The following AFDN variants were observed in gnomAD, a reference collection of about 807,000 sequenced individuals.
AFDN encodes the protein afadin.
In AFDN, 68 loss-of-function variants were observed where a neutral mutation model predicts 216.6. That is an observed-to-expected ratio of 0.31 (90% confidence interval 0.26 to 0.38). AFDN has a LOEUF of 0.38. Ranked by LOEUF, AFDN falls within the 10% of genes least tolerant of loss-of-function variation. AFDN has a pLI of 1.00. For synonymous variants in AFDN, 868 were observed against 853.7 expected, an observed-to-expected ratio of 1.02 and a Z score of -0.29; for missense variants, 2,136 against 2,342.0, an observed-to-expected ratio of 0.91 and a Z score of 1.82.
intron 2 of AFDN, among the ~76,000 whole-genome samples, chr6:167,868,647 TATC>T (rs1359101347): frequency 6.6e-6 from 1 of 152,194 alleles, no homozygotes; most frequent in East Asian, 1.9e-4. Flanking sequence ...GAGTCTATGT[TATC>T]ATCATCCTTA....
At chr6:167,934,494 G>A (rs1156552636) in intron 23 of AFDN, among the ~76,000 whole-genome samples, 2 of 152,178 alleles carry the variant, frequency 1.3e-5, no homozygotes, top group Non-Finnish European at 2.9e-5. Flanking sequence ...TAGAAGTAAA[G>A]CAGTTGAAAA....
intron 20 of AFDN, among the ~76,000 whole-genome samples, chr6:167,918,086 C>G (rs1279642501): frequency 6.6e-6 from 1 of 152,136 alleles, no homozygotes; most frequent in African/African-American, 2.4e-5. Flanking sequence ...GGTGGCTACT[C>G]AGGTGGCGAT....
At chr6:167,872,400 C>T in intron 4 of AFDN, 23 bp downstream of exon 4, 1 of 1,588,352 alleles carries the variant, frequency 6.3e-7, no homozygotes, top group Non-Finnish European at 8.5e-7. Context: ...TGGAAATGTT[C>T]CCCTTTCTTT....
chr6:167,952,198 G>C lies in AFDN; in HGVS notation c.4833+11G>C, dbSNP rs1048280027. The C allele has an allele frequency of 6.2e-7, 1 of 1,613,878 alleles. No individual in the cohort carries two copies. The highest frequency in any genetic ancestry group is 1.3e-5 in the African/African-American group (1 of 74,930). On this transcript the variant is annotated intron_variant, in intron 30 of 33. Transcript: ENST00000683244. ...GAACGAAGAGCGAGGGTAAAGGGGG[G>C]AGTGCTTTGGCTGTGCCCATCTGTG...
intron 1 of AFDN, among the ~76,000 whole-genome samples, chr6:167,852,643 G>A (rs1277615881): frequency 6.6e-6 from 1 of 151,998 alleles, no homozygotes; most frequent in African/African-American, 2.4e-5. Context: ...ACATTTATTG[G>A]CTGGAATTCT....
In AFDN at chr6:167,971,897, TTGTA is replaced by T. The variant is rs530856436; in HGVS notation, c.*1968_*1971del. 1.5e-3 allele frequency: 302 copies of T among 201,888 alleles called. 1 individual carries two copies. The highest frequency in any genetic ancestry group is 6.3e-3 in the African/African-American group (275 of 43,582). The allele number at this position is 201,888 out of a possible 1,614,324, so 12.5% of individuals were successfully genotyped here. A position where few individuals can be genotyped will look rare whatever the true frequency, so the allele number is the denominator to read the frequency against. ...AGTTGCAACCTATTTTTAATAAACTTTGTATGTATTTAAGTGTATTTGCTATTGT... is the reference window on the plus strand; with the variant it reads ...AGTTGCAACCTATTTTTAATAAACTTTGTATTTAAGTGTATTTGCTATTGT... On this transcript the variant is annotated 3_prime_UTR_variant, in exon 34 of 34. Transcript: ENST00000683244.
chr6:167,947,991 T>C (rs753808743), intron 28 of AFDN, 47 bp downstream of exon 28: 7 of 1,405,328 alleles, frequency 5.0e-6, no homozygotes, highest in Admixed American at 1.7e-5. Context: ...TTTCCATCCT[T>C]AGGGTTCCCT....
At chr6:167,864,909 T>G (rs1784004580) in intron 2 of AFDN, 163 bp downstream of exon 2, 1 of 790,926 alleles carries the variant, frequency 1.3e-6, no homozygotes, top group African/African-American at 1.7e-5. Context: ...CTGTTTTATG[T>G]CTGGGAAGTG....
At chr6:167,947,398 C>G (rs563223883) in intron 27 of AFDN, among the ~76,000 whole-genome samples, 15 of 152,152 alleles carry the variant, frequency 9.9e-5, no homozygotes, top group African/African-American at 2.4e-4. Flanking sequence ...CCAGGATGGT[C>G]TCGATCTCCT....
chr6:167,898,567 TAA>T (rs1788563115), intron 11 of AFDN, 100 bp downstream of exon 11: 6 of 1,286,022 alleles, frequency 4.7e-6, no homozygotes, highest in Non-Finnish European at 6.2e-6. Flanking sequence ...TTTCAATTTT[TAA>T]AAAAATATCA....
At chr6:167,900,343 T>C (rs1056965656) in intron 11 of AFDN, among the ~76,000 whole-genome samples, 1 of 152,202 alleles carries the variant, frequency 6.6e-6, no homozygotes, top group Admixed American at 6.5e-5. Context: ...TTGATATTGA[T>C]AGTTTGGGAA....
At chr6:167,897,846 A>C (rs898338591) in intron 10 of AFDN, among the ~76,000 whole-genome samples, 1 of 151,834 alleles carries the variant, frequency 6.6e-6, no homozygotes, top group Non-Finnish European at 1.5e-5. Flanking sequence ...GAGTTTCACC[A>C]TGTTGGCCAG....
chr6:167,914,527 A>ATT, intron 17 of AFDN, 117 bp from the exon 18 acceptor site: 8 of 791,942 alleles, frequency 1.0e-5, no homozygotes, highest in Non-Finnish European at 1.5e-5. Context: ...AAGATTCCAC[A>ATT]TTTTTTTTTT....
intron 2 of AFDN, among the ~76,000 whole-genome samples, chr6:167,869,558 G>A (rs963522): frequency 0.31 from 47,145 of 151,930 alleles, 8,181 homozygotes; most frequent in East Asian, 0.6. Context: ...GGCTTGCAGC[G>A]TCAAATCTGT....
rs1166050258 is a variant in AFDN at position 167,951,633 on chromosome 6, GAGA to G, written c.4282_4284del (p.Lys1428del). 12 of 1,614,154 alleles carry G rather than the reference GAGA, an allele frequency of 7.4e-6. No homozygotes were observed. Among genetic ancestry groups the G allele is most frequent in the Non-Finnish European group, 9.3e-6 (11 of 1,180,014 alleles). On this transcript the variant is annotated inframe_deletion, in exon 30 of 34. Transcript: ENST00000683244. This position sits in a 1 kb window ranked among gnomAD's most constrained non-coding sequence, Gnocchi z 7.1. ...GAGAGAAGAACATCAGCGTTGGTATGAGAAGGAGAAGGCCCGCCTGGAGGAGGA... is the reference window on the plus strand; with the variant it reads ...GAGAGAAGAACATCAGCGTTGGTATGAGGAGAAGGCCCGCCTGGAGGAGGA...
At chr6:167,946,054 G>A (rs1216650001) in intron 26 of AFDN, among the ~76,000 whole-genome samples, 1 of 152,206 alleles carries the variant, frequency 6.6e-6, no homozygotes, top group Admixed American at 6.5e-5. Context: ...GCTTCTTGAA[G>A]CAAACACACA....
In AFDN at chr6:167,925,082, T is replaced by G; in HGVS notation, c.3090T>G (p.Val1030=). The G allele has an allele frequency of 6.2e-7, 1 of 1,612,344 alleles. No homozygotes were observed. The highest frequency in any genetic ancestry group is 8.5e-7 in the Non-Finnish European group (1 of 1,178,338). Residue 1030 remains valine, a synonymous_variant, in exon 23 of 34, where the codon GTT becomes GTG. Transcript: ENST00000683244. The stretch of plus-strand genomic sequence containing the variant: ...AGAATGGAATGGGCCTTAGCATTGT[T>G]GCAGCAAAGGTAGGCCAATTAGTCA... ...KKQNGMGLSI[V]AAKGAGQDKL... is the part of the protein sequence containing the mutation.
chr6:167,926,794 G>A (rs1030934521), intron 23 of AFDN, among the ~76,000 whole-genome samples: 21 of 152,272 alleles, frequency 1.4e-4, no homozygotes, highest in Middle Eastern at 3.4e-3. Flanking sequence ...TTTAGAACTG[G>A]AATTAAATCA....
intron 9 of AFDN, 76 bp downstream of exon 9, chr6:167,893,982 CA>C: frequency 9.2e-7 from 1 of 1,087,948 alleles, no homozygotes; most frequent in South Asian, 1.4e-5. Flanking sequence ...GTTGAATGAC[CA>C]AATATCTTAT....
Sources: gnomAD v4.1 joint callset for allele counts (sites outside exome capture counted in the v4.1 genomes callset) on GRCh38, gnomAD v4.1.1 for gene constraint, Gnocchi (gnomAD v3.1) non-coding constraint, MANE v1.5 for transcripts, NCBI Gene and HGNC (gene_info 2026-07-23, HGNC 2026-07-21) for gene names.